Variants in ERBB4 observed in about 807,000 individuals in gnomAD.
ERBB4 encodes erb-b2 receptor tyrosine kinase 4.
In ERBB4, 42 loss-of-function variants were observed where a neutral mutation model predicts 158.0. That is an observed-to-expected ratio of 0.27 (90% CI 0.21 to 0.34). The LOEUF is 0.34. Ranked by LOEUF, ERBB4 falls within the 10% of genes least tolerant of loss-of-function variation. The pLI is 1.00. For missense variants in ERBB4, 1,333 were observed against 1,624.1 expected (o/e 0.82, Z 3.08); for synonymous variants, 583 against 558.7 (o/e 1.04, Z -0.61).
rs78792401 is a variant in ERBB4, at chr2:212,154,238, G to T, written c.83-29335C>A. 4.3e-3 allele frequency among the ~76,000 whole-genome samples: 652 copies of T among 152,202 alleles called. 1 individual carries two copies. Among genetic ancestry groups the T allele is most frequent in the Non-Finnish European group, 7.0e-3 (475 of 67,992 alleles). On this transcript the variant is annotated intron_variant, in intron 1 of 27. Coordinates refer to ENST00000342788, the MANE Select transcript of ERBB4 (RefSeq NM_005235.3). ...AGGGAAATAACTTGTGTACAGAGAA[G>T]GAAGAAAATGATTCACATGGCTTAA...
chr2:212,097,402 A>G (rs369881557), intron 2 of ERBB4, among the ~76,000 whole-genome samples: 35 of 152,260 alleles, frequency 2.3e-4, no homozygotes, highest in African/African-American at 7.5e-4. Flanking sequence ...CATTGTGAGC[A>G]TAGGGAACTG....
chr2:212,161,731 T>G (rs530596665), intron 1 of ERBB4, among the ~76,000 whole-genome samples: 2 of 151,994 alleles, frequency 1.3e-5, no homozygotes, highest in South Asian at 4.1e-4. Flanking sequence ...CACTAGTCCT[T>G]TGAGTTATAT....
chr2:211,781,120 T>G (rs1029262691), intron 4 of ERBB4, among the ~76,000 whole-genome samples: 2 of 152,210 alleles, frequency 1.3e-5, no homozygotes, highest in African/African-American at 4.8e-5. Flanking sequence ...CCTAAATATT[T>G]TCATATAGAA....
At chr2:211,679,385 GC>G (rs1332238018) in intron 12 of ERBB4, among the ~76,000 whole-genome samples, 4 of 152,158 alleles carry the variant, frequency 2.6e-5, no homozygotes, top group African/African-American at 9.7e-5. Context: ...TGTTTGTACA[GC>G]AATCTTGCAT....
chr2:212,519,627 T>G (rs1692037160), intron 1 of ERBB4, among the ~76,000 whole-genome samples: 1 of 151,926 alleles, frequency 6.6e-6, no homozygotes, highest in African/African-American at 2.4e-5. Context: ...TGAAATTGTT[T>G]CATTTGGGGC....
intron 3 of ERBB4, among the ~76,000 whole-genome samples, chr2:211,875,050 A>AAAAAAAAAC (rs66500425): frequency 3.6e-4 from 27 of 75,850 alleles, no homozygotes; most frequent in African/African-American, 8.2e-4. Flanking sequence ...AAAAAAAAAA[A>AAAAAAAAAC]CAAACTCAAA....
chr2:211,615,153 A>C (rs997573326), intron 19 of ERBB4, among the ~76,000 whole-genome samples: 1 of 152,072 alleles, frequency 6.6e-6, no homozygotes, highest in Non-Finnish European at 1.5e-5. Context: ...AATTTAGATA[A>C]AACATTTAAA....
At chr2:211,646,509 T>G (rs1258169137) in intron 16 of ERBB4, among the ~76,000 whole-genome samples, 1 of 151,570 alleles carries the variant, frequency 6.6e-6, no homozygotes, top group African/African-American at 2.4e-5. Context: ...AAAGAAATTT[T>G]ATTTGTAAGG....
chr2:212,153,021 G>T (rs1420489656), intron 1 of ERBB4, among the ~76,000 whole-genome samples: 1 of 152,140 alleles, frequency 6.6e-6, no homozygotes, highest in Non-Finnish European at 1.5e-5. Context: ...TGGGCAATTT[G>T]CCCTGACTGG....
At chr2:211,840,353 C>T (rs12621800) in intron 3 of ERBB4, among the ~76,000 whole-genome samples, 33,032 of 151,844 alleles carry the variant, frequency 0.22, 3,713 homozygotes, top group South Asian at 0.33. Context: ...ATCAATTAAA[C>T]CTCTTTCCTT....
chr2:212,142,497 A>G (rs2080514907), intron 1 of ERBB4, among the ~76,000 whole-genome samples: 2 of 151,484 alleles, frequency 1.3e-5, no homozygotes, highest in African/African-American at 4.8e-5. Context: ...AGAGATCATT[A>G]AGTCCAGATT....
intron 3 of ERBB4, among the ~76,000 whole-genome samples, chr2:211,925,338 G>A (rs2125086650): frequency 6.7e-6 from 1 of 149,100 alleles, no homozygotes; most frequent in South Asian, 2.1e-4. Flanking sequence ...ATTTTTGAAG[G>A]ATGTAATAAA....
intron 4 of ERBB4, among the ~76,000 whole-genome samples, chr2:211,771,929 A>G (rs2075701301): frequency 6.6e-6 from 1 of 152,168 alleles, no homozygotes; most frequent in Admixed American, 6.5e-5. Context: ...AACTACTAAA[A>G]ATTTCTAGAA....
At chr2:211,956,696 A>G (rs1348041290) in intron 2 of ERBB4, among the ~76,000 whole-genome samples, 2 of 152,158 alleles carry the variant, frequency 1.3e-5, no homozygotes, top group Non-Finnish European at 2.9e-5. Flanking sequence ...TAGGAATGGT[A>G]AACAATATAT....
intron 19 of ERBB4, among the ~76,000 whole-genome samples, chr2:211,576,649 T>C (rs1479921149): frequency 6.6e-6 from 1 of 152,154 alleles, no homozygotes; most frequent in Non-Finnish European, 1.5e-5. Context: ...AGGGTACAAT[T>C]ATTAAAAAGA....
chr2:212,497,316 G>T (rs765909725), intron 1 of ERBB4, among the ~76,000 whole-genome samples: 1 of 151,944 alleles, frequency 6.6e-6, no homozygotes, highest in Non-Finnish European at 1.5e-5. Flanking sequence ...TGTTGCCCAG[G>T]TTGGAGTCCA....
At chr2:212,490,698 C>T (rs960621279) in intron 1 of ERBB4, among the ~76,000 whole-genome samples, 4 of 151,694 alleles carry the variant, frequency 2.6e-5, no homozygotes, top group African/African-American at 9.7e-5. Context: ...AGTATCCTAA[C>T]GGTCTTGGAA....
In ERBB4 at chr2:211,707,811, C is replaced by T. The variant is rs367947338; in HGVS notation, c.1125-2420G>A. On this transcript the variant is annotated intron_variant, in intron 9 of 27. Transcript: ENST00000342788. Reference sequence around the variant, plus strand: ...AAACATGCCAATTAACTTTCTTGAGCCTAATTATATATTAAAATTTTAATT... The same window carrying T: ...AAACATGCCAATTAACTTTCTTGAGTCTAATTATATATTAAAATTTTAATT... Among the ~76,000 whole-genome samples the T allele has an allele frequency of 1.5e-3, 228 of 152,084 alleles. 6 individuals are homozygous for T. In the South Asian group the frequency reaches 0.047, roughly 31 times the overall value.
At chr2:211,671,021 AT>A (rs1189272549) in intron 14 of ERBB4, among the ~76,000 whole-genome samples, 1 of 152,126 alleles carries the variant, frequency 6.6e-6, no homozygotes, top group East Asian at 1.9e-4. Flanking sequence ...TTAGAAAAAA[AT>A]ATGGTGTCTT....
Sources: gnomAD v4.1 joint callset for allele counts (sites outside exome capture counted in the v4.1 genomes callset) on GRCh38, gnomAD v4.1.1 for gene constraint, MANE v1.5 for transcripts, NCBI Gene and HGNC (gene_info 2026-07-23, HGNC 2026-07-21) for gene names.